Variants in OPHN1 observed in about 807,000 individuals in gnomAD.
The protein encoded by OPHN1 is oligophrenin 1.
Under a neutral mutation model 60.7 loss-of-function variants are expected in OPHN1, and 11 were observed. The observed-to-expected ratio is 0.18, with a 90% confidence interval of 0.11 to 0.30. OPHN1 has a LOEUF of 0.30. OPHN1 is among the 10% of genes least tolerant of loss of function. The pLI, the probability that OPHN1 is intolerant of heterozygous loss-of-function variation, is 1.00. For missense variants in OPHN1, 449 were observed against 611.0 expected, an observed-to-expected ratio of 0.73 and a Z score of 2.80; for synonymous variants, 226 against 222.6, an observed-to-expected ratio of 1.02 and a Z score of -0.14.
chrX:68,408,764 C>G (rs1403919908), intron 2 of OPHN1, among the ~76,000 whole-genome samples: 1 of 112,588 alleles, frequency 8.9e-6, no homozygotes, highest in Non-Finnish European at 1.9e-5. Flanking sequence ...GAATTCGAGA[C>G]CAGCCTGGCC....
intron 2 of OPHN1, among the ~76,000 whole-genome samples, chrX:68,365,315 A>G (rs779888814): frequency 2.7e-5 from 3 of 110,922 alleles, no homozygotes; most frequent in Non-Finnish European, 5.7e-5. Flanking sequence ...GGAATTTGAG[A>G]GAAACCACGT....
chrX:68,124,719 C>T (rs994738529), intron 15 of OPHN1, among the ~76,000 whole-genome samples: 5 of 110,777 alleles, frequency 4.5e-5, no homozygotes, highest in African/African-American at 1.6e-4. Context: ...TGCAGTGGCT[C>T]ACTGCAGTCT....
At chrX:68,063,694 T>C (rs1464959763) in intron 21 of OPHN1, among the ~76,000 whole-genome samples, 160 bp downstream of exon 21, 3 of 111,942 alleles carry the variant, frequency 2.7e-5, no homozygotes, top group Non-Finnish European at 5.6e-5. Flanking sequence ...ATTCTAGTGA[T>C]TATTGTGACT....
At chrX:68,372,216 C>G (rs2078532879) in intron 2 of OPHN1, among the ~76,000 whole-genome samples, 1 of 111,658 alleles carries the variant, frequency 9.0e-6, no homozygotes, top group Middle Eastern at 4.2e-3. Context: ...CAAAAGAGAC[C>G]TTAGGTCAAA....
At chrX:68,324,691 A>T (rs2147665402) in intron 2 of OPHN1, among the ~76,000 whole-genome samples, 1 of 110,412 alleles carries the variant, frequency 9.1e-6, no homozygotes, top group South Asian at 3.8e-4. Flanking sequence ...TAGCAACTAA[A>T]CATGTAAATT....
intron 21 of OPHN1, among the ~76,000 whole-genome samples, chrX:68,062,607 C>A (rs2076897203): frequency 3.6e-5 from 4 of 112,128 alleles, no homozygotes; most frequent in African/African-American, 1.3e-4. Flanking sequence ...TTATTCATTT[C>A]TATGTCTTCG....
intron 18 of OPHN1, among the ~76,000 whole-genome samples, chrX:68,098,838 A>G (rs2077047394): frequency 1.8e-5 from 2 of 111,559 alleles, no homozygotes; most frequent in African/African-American, 6.5e-5. Flanking sequence ...TCAGTGTCCC[A>G]GCAGCTCACA....
chrX:68,126,692 GC>G (rs2077173281), intron 15 of OPHN1, among the ~76,000 whole-genome samples: 1 of 111,832 alleles, frequency 8.9e-6, no homozygotes, highest in Non-Finnish European at 1.9e-5. Flanking sequence ...GGATCCACCA[GC>G]CTTGGCCTCC....
At chrX:68,235,716 G>A (rs190013090) in intron 5 of OPHN1, among the ~76,000 whole-genome samples, 9 of 108,934 alleles carry the variant, frequency 8.3e-5, no homozygotes, top group Non-Finnish European at 1.7e-4. Flanking sequence ...AAATTAGCTG[G>A]GCTTGGTGGT....
chrX:68,370,011 AATATATATAT>A lies in OPHN1; in HGVS notation c.154+62846_154+62855del, dbSNP rs761607454. On this transcript the variant is annotated intron_variant, in intron 2 of 24. Transcript: ENST00000355520. ...ACAGTGGGATGGCATAAATTGCTGAAATATATATATATATATATATATATATATATATAGA... is the reference window on the plus strand; with the variant it reads ...ACAGTGGGATGGCATAAATTGCTGAAATATATATATATATATATATATAGA... Among the ~76,000 whole-genome samples, 5 of 64,385 alleles carry A rather than the reference AATATATATAT, an allele frequency of 7.8e-5. 1 individual carries two copies. Among genetic ancestry groups the A allele is most frequent in the East Asian group, 9.3e-4 (2 of 2,140 alleles). 55.9% of individuals were successfully genotyped at this position (64,385 alleles called of 115,157 possible).
intron 20 of OPHN1, 36 bp from the exon 21 acceptor site, chrX:68,064,213 AT>A (rs2076905062): frequency 8.6e-7 from 1 of 1,167,584 alleles, no homozygotes; most frequent in African/African-American, 1.8e-5. Context: ...AAGATTAATG[AT>A]AACTTTTAAA....
chrX:68,365,182 T>C (rs1442203328), intron 2 of OPHN1, among the ~76,000 whole-genome samples: 3 of 110,422 alleles, frequency 2.7e-5, no homozygotes, highest in Non-Finnish European at 5.7e-5. Context: ...GTTCCAGATA[T>C]AGGAATAATG....
intron 15 of OPHN1, among the ~76,000 whole-genome samples, chrX:68,149,800 A>G (rs1386433306): frequency 2.8e-5 from 3 of 107,793 alleles, no homozygotes; most frequent in East Asian, 5.9e-4. Flanking sequence ...CTAGTTATAT[A>G]CCAAAAAAAA....
chrX:68,320,068 A>G, intron 2 of OPHN1, among the ~76,000 whole-genome samples: 1 of 110,970 alleles, frequency 9.0e-6, no homozygotes, highest in Non-Finnish European at 1.9e-5. Flanking sequence ...TAGAAAGAGA[A>G]GCCGGGCACA....
At chrX:68,299,127 C>A in intron 2 of OPHN1, 31 bp from the exon 3 acceptor site, 1 of 916,633 alleles carries the variant, frequency 1.1e-6, no homozygotes, top group South Asian at 2.0e-5. Context: ...GAGAAATGTT[C>A]AACAATGCTA....
chrX:68,377,566 T>A (rs1160328953), intron 2 of OPHN1, among the ~76,000 whole-genome samples: 3 of 108,190 alleles, frequency 2.8e-5, no homozygotes, highest in African/African-American at 1.0e-4. Flanking sequence ...TATCTCCTAA[T>A]GCTATCCCTC....
In OPHN1 at chrX:68,204,422, G is replaced by A. The variant is rs192259213; in HGVS notation, c.933+2151C>T. ...GGCACTGACTTCACATAGCTGCTAGGAGGGTAAATGAGGAGCATGAATATG... is the reference window on the plus strand; with the variant it reads ...GGCACTGACTTCACATAGCTGCTAGAAGGGTAAATGAGGAGCATGAATATG... On this transcript the variant is annotated intron_variant, in intron 10 of 24. Transcript: ENST00000355520. Among the ~76,000 whole-genome samples, 118 of 111,980 alleles carry A rather than the reference G, an allele frequency of 1.1e-3. No individual in the cohort carries two copies. The East Asian group carries it at 0.011, about 10-fold the overall frequency.
chrX:68,429,168 T>C (rs923034604), intron 2 of OPHN1, among the ~76,000 whole-genome samples: 5 of 110,991 alleles, frequency 4.5e-5, no homozygotes, highest in African/African-American at 1.6e-4. Context: ...ATGCCTGTAA[T>C]TCTTGCACTT....
intron 2 of OPHN1, among the ~76,000 whole-genome samples, chrX:68,342,023 G>T (rs1261050793): frequency 2.2e-5 from 2 of 92,366 alleles, no homozygotes; most frequent in African/African-American, 8.1e-5. Flanking sequence ...AGGCTAAAGT[G>T]CAGCGGCACA....
Sources: allele counts gnomAD v4.1 joint callset (sites outside exome capture counted in the v4.1 genomes callset), GRCh38; gene constraint gnomAD v4.1.1; transcripts MANE v1.5; gene names NCBI Gene and HGNC (gene_info 2026-07-23, HGNC 2026-07-21).